EFHD1: variants seen among roughly 807,000 people sequenced by gnomAD.
EFHD1 encodes the protein EF-hand domain family member D1.
A neutral mutation model predicts 17.2 loss-of-function variants in EFHD1; 10 were observed. That is an observed-to-expected ratio of 0.58 (90% confidence interval 0.36 to 0.99). The LOEUF (loss-of-function observed/expected upper bound fraction) is 0.99, where lower values mean the gene tolerates loss of function less well. Ranked by LOEUF, EFHD1 falls within the 50% of genes least tolerant of loss-of-function variation. EFHD1 has a pLI of 0.01. For synonymous variants in EFHD1, 153 were observed against 142.0 expected (o/e 1.08, Z -0.55); for missense variants, 310 against 327.5 (o/e 0.95, Z 0.41).
chr2:232,678,651 C>T (rs907162862), intron 3 of EFHD1, among the ~76,000 whole-genome samples: 9 of 152,028 alleles, frequency 5.9e-5, no homozygotes, highest in Admixed American at 1.3e-4. Flanking sequence ...GGCGTGTTGC[C>T]GCATACCTGT....
intron 1 of EFHD1, chr2:232,606,235 C>T: frequency 1.3e-6 from 2 of 1,528,502 alleles, no homozygotes; most frequent in Non-Finnish European, 1.8e-6. Flanking sequence ...GTTTTCCAGG[C>T]GATTTTTACT....
chr2:232,628,843 T>C (rs150122149), upstream of EFHD1, among the ~76,000 whole-genome samples: 1,288 of 152,334 alleles, frequency 8.5e-3, 11 homozygotes, highest in Non-Finnish European at 0.013. Context: ...GCTTGGCCTA[T>C]AGAGTTCAGC....
chr2:232,615,244 G>T (rs568464887), intron 1 of EFHD1, among the ~76,000 whole-genome samples: 4 of 151,542 alleles, frequency 2.6e-5, no homozygotes, highest in African/African-American at 7.3e-5. Flanking sequence ...GGAATGAAAA[G>T]TTATATTAGG....
chr2:232,634,881 A>G (rs554653044), intron 1 of EFHD1, among the ~76,000 whole-genome samples: 2 of 152,350 alleles, frequency 1.3e-5, no homozygotes, highest in African/African-American at 4.8e-5. Context: ...CCGAGACCGG[A>G]AAAATGCCTG....
intron 1 of EFHD1, among the ~76,000 whole-genome samples, chr2:232,661,442 C>G (rs555754684): frequency 1.3e-5 from 2 of 152,270 alleles, no homozygotes; most frequent in East Asian, 3.9e-4. Flanking sequence ...TTTCACTTAG[C>G]AGAATGCCCT....
chr2:232,631,534 C>A (rs934654643), upstream of EFHD1, among the ~76,000 whole-genome samples: 21 of 151,628 alleles, frequency 1.4e-4, no homozygotes, highest in African/African-American at 4.8e-4. Flanking sequence ...TGGTCTCAAA[C>A]TCCTGGGCTC....
At chr2:232,637,991 G>T (rs1370290793) in intron 1 of EFHD1, 1 of 180,664 alleles carries the variant, frequency 5.5e-6, no homozygotes, top group Non-Finnish European at 1.2e-5. Flanking sequence ...GTAGAAGAAA[G>T]AGTGTTTTCT....
exon 1 of EFHD1, chr2:232,606,116 T>C: frequency 2.6e-6 from 4 of 1,549,000 alleles, no homozygotes; most frequent in Non-Finnish European, 3.5e-6. Context: ...GTACTGTCCC[T>C]GTGAAGGCCA....
intron 1 of EFHD1, among the ~76,000 whole-genome samples, chr2:232,647,396 C>A (rs1425431333): frequency 1.3e-5 from 2 of 152,226 alleles, no homozygotes; most frequent in Non-Finnish European, 2.9e-5. Flanking sequence ...TGCTCTGAGA[C>A]CTGTGCCCCC....
At chr2:232,673,519 C>T (rs1449405668) in intron 3 of EFHD1, among the ~76,000 whole-genome samples, 5 of 152,130 alleles carry the variant, frequency 3.3e-5, no homozygotes, top group Admixed American at 2.0e-4. Flanking sequence ...AACTGGATCT[C>T]CTGTCCCCTC....
chr2:232,645,407 T>G (rs915979727), intron 1 of EFHD1, among the ~76,000 whole-genome samples: 3 of 152,000 alleles, frequency 2.0e-5, no homozygotes, highest in Non-Finnish European at 4.4e-5. Context: ...GGGTTTGACA[T>G]CTCCACCCCC....
At chr2:232,610,282 G>T (rs760608169) in intron 1 of EFHD1, among the ~76,000 whole-genome samples, 9 of 152,228 alleles carry the variant, frequency 5.9e-5, no homozygotes, top group Non-Finnish European at 1.2e-4. Context: ...GGGACGGAAA[G>T]CCCTCCCATC....
chr2:232,640,707 G>A (rs1216426019), intron 1 of EFHD1, among the ~76,000 whole-genome samples: 2 of 152,116 alleles, frequency 1.3e-5, no homozygotes, highest in Admixed American at 6.5e-5. Context: ...CCCACATACA[G>A]GAGGACACTC....
chr2:232,623,673 CAAAAAAAAAAAAA>C (rs756932393), intron 1 of EFHD1, among the ~76,000 whole-genome samples: 1,305 of 86,646 alleles, frequency 0.015, 36 homozygotes, highest in African/African-American at 0.056. Flanking sequence ...AGTCTCTGTC[CAAAAAAAAAAAAA>C]AAAAAAAAGA....
At chr2:232,661,992 G>A (rs867235154) in intron 1 of EFHD1, 3 of 152,548 alleles carry the variant, frequency 2.0e-5, no homozygotes, top group Middle Eastern at 3.4e-3. Context: ...GTCTCTGGGT[G>A]GCGGGAAATG....
intron 3 of EFHD1, among the ~76,000 whole-genome samples, chr2:232,677,276 C>CACACACACACACACACACATCTTTCTATA: frequency 4.1e-5 from 1 of 24,282 alleles, no homozygotes; most frequent in East Asian, 2.1e-3. Context: ...CACACACATA[C>CACACACACACACACACACATCTTTCTATA]ACACACACAC....
Position 232,646,141 on chromosome 2 carries a change from C to G in EFHD1, c.302+12135C>G, listed in dbSNP as rs147835397. On this transcript the variant is annotated intron_variant, in intron 1 of 3. Transcript: ENST00000264059. ...TCACCAGAGCCCAAGATGTCATTAC[C>G]TTGCTTCCCTCTTCACAAGTTATTT... Among the ~76,000 whole-genome samples, 198 of 152,332 alleles carry G rather than the reference C, an allele frequency of 1.3e-3. 1 individual carries two copies. Among genetic ancestry groups the G allele is most frequent in the African/African-American group, 4.5e-3 (189 of 41,578 alleles).
In EFHD1 at chr2:232,642,670, G is replaced by T. The variant is rs148899986; in HGVS notation, c.302+8664G>T. 8.5e-5 allele frequency among the ~76,000 whole-genome samples: 13 copies of T among 152,228 alleles called. No homozygotes were observed. In the East Asian group the frequency reaches 2.5e-3, roughly 29 times the overall value. ...TTATCAAATTATAGTGTTCCCCATT[G>T]AAAATTTCCTTTAAAACTGTAAAGA... On this transcript the variant is annotated intron_variant, in intron 1 of 3. Coordinates refer to ENST00000264059, the MANE Select transcript of EFHD1 (RefSeq NM_025202.4).
At chr2:232,614,082 CAT>C (rs1491221799) in intron 1 of EFHD1, among the ~76,000 whole-genome samples, 16 of 149,184 alleles carry the variant, frequency 1.1e-4, no homozygotes, top group South Asian at 6.3e-4. Context: ...ATTATACACA[CAT>C]ATATACACAC....
Sources: gnomAD v4.1 joint callset for allele counts (sites outside exome capture counted in the v4.1 genomes callset) on GRCh38, gnomAD v4.1.1 for gene constraint, MANE v1.5 for transcripts, NCBI Gene and HGNC (gene_info 2026-07-23, HGNC 2026-07-21) for gene names.